RP1: variants seen among roughly 807,000 people sequenced by gnomAD.
RP1 encodes RP1 axonemal microtubule associated, also known as oxygen-regulated protein 1.
A neutral mutation model predicts 14.8 loss-of-function variants in RP1; 16 were observed. That is an observed-to-expected ratio of 1.08 (90% CI 0.73 to 1.65). The LOEUF (loss-of-function observed/expected upper bound fraction) is 1.65. Ranked by LOEUF, RP1 falls within the 40% of genes most tolerant of loss-of-function variation. The probability of loss-of-function intolerance (pLI) is 0.00; values close to 1 mark genes in which losing one functional copy is unlikely to be tolerated. For missense variants in RP1, 2,631 were observed against 2,535.0 expected (o/e 1.04, Z -0.81); for synonymous variants, 876 against 883.6 (o/e 0.99, Z 0.15).
At chr8:54,682,876 A>C (rs1045733453) in intron 12 of RP1, among the ~76,000 whole-genome samples, 12 of 151,476 alleles carry the variant, frequency 7.9e-5, no homozygotes, top group African/African-American at 2.9e-4. Flanking sequence ...TGCTTTCCCC[A>C]CCTGTGTCCT....
chr8:54,594,530 A>T (rs1181421368), intron 1 of RP1, among the ~76,000 whole-genome samples: 1 of 152,248 alleles, frequency 6.6e-6, no homozygotes, highest in African/African-American at 2.4e-5. Flanking sequence ...GACACATCTG[A>T]ATTTGTTTGA....
In RP1 at chr8:54,628,295, A is replaced by G. The variant is rs759856232; in HGVS notation, c.4413A>G (p.Leu1471=). 3.7e-6 allele frequency: 6 copies of G among 1,613,986 alleles called. No homozygotes were observed. In the Admixed American group the frequency reaches 8.3e-5, roughly 22 times the overall value. ...NISELESFEE[L]ENHDTDIFNT... ...CAGAATTGGAATCTTTTGAAGAATT[A>G]GAAAACCATGACACTGATATCTTTA... Residue 1471 remains leucine, a synonymous_variant, in exon 4 of 4, where the codon TTA becomes TTG. Coordinates refer to ENST00000220676, the MANE Select transcript of RP1 (RefSeq NM_006269.2).
At chr8:54,599,527 C>T (rs181969706) in intron 1 of RP1, among the ~76,000 whole-genome samples, 11 of 151,768 alleles carry the variant, frequency 7.2e-5, no homozygotes, top group Non-Finnish European at 1.5e-4. Context: ...GGCACCGTCT[C>T]GGCTCACTGC....
At chr8:54,677,384 G>A (rs1242994320) in intron 8 of RP1, among the ~76,000 whole-genome samples, 1 of 152,096 alleles carries the variant, frequency 6.6e-6, no homozygotes, top group Non-Finnish European at 1.5e-5. Context: ...AGTATGTGAT[G>A]AGGGATGAAG....
chr8:54,750,790 A>C (rs764212964), intron 19 of RP1, among the ~76,000 whole-genome samples: 23 of 152,184 alleles, frequency 1.5e-4, no homozygotes, highest in Admixed American at 2.0e-4. Context: ...TGCACAACTC[A>C]CCAATCAGTA....
chr8:54,853,510 C>G lies in RP1; in HGVS notation c.3990+782C>G, dbSNP rs112975610. On this transcript the variant is annotated intron_variant, in intron 26 of 28. Transcript: ENST00000637698. Reference sequence around the variant, plus strand: ...CAGCCTTGGGGGACAGAACTCATGTCTTATGGCCGTGCACAGATAAACTCC... The same window carrying G: ...CAGCCTTGGGGGACAGAACTCATGTGTTATGGCCGTGCACAGATAAACTCC... Among the ~76,000 whole-genome samples the G allele has an allele frequency of 7.1e-3, 1,082 of 152,284 alleles. 13 individuals are homozygous for G. The highest frequency in any genetic ancestry group is 0.024 in the African/African-American group (1,014 of 41,548).
chr8:54,627,927 G>C lies in RP1; in HGVS notation c.4045G>C (p.Glu1349Gln). 2 of 1,614,104 alleles carry C rather than the reference G, an allele frequency of 1.2e-6. No individual in the cohort carries two copies. Among genetic ancestry groups the C allele is most frequent in the Non-Finnish European group, 1.7e-6 (2 of 1,179,966 alleles). ...TACCATTGACTTTTTAAACTCCAAA[G>C]AAAACACATATACTGATAACTTGGA... ...CNTIDFLNSK[E>Q]NTYTDNLDST... The change falls in exon 4 of 4, where the codon GAA (glutamate) becomes CAA (glutamine). Residue 1349 changes from glutamate to glutamine, a missense_variant. Glu to Gln is a conservative substitution (Grantham distance 29). Coordinates refer to ENST00000220676, the MANE Select transcript of RP1 (RefSeq NM_006269.2).
chr8:54,852,485 A>G, intron 25 of RP1: 1 of 942,572 alleles, frequency 1.1e-6, no homozygotes, highest in Non-Finnish European at 1.4e-6. Context: ...TAGATGAAAG[A>G]ACATTCTGAT....
intron 23 of RP1, among the ~76,000 whole-genome samples, chr8:54,778,543 T>G (rs562462099): frequency 6.6e-6 from 1 of 152,168 alleles, no homozygotes; most frequent in African/African-American, 2.4e-5. Flanking sequence ...CAGGCTGGTC[T>G]CGAACTCCTG....
intron 3 of RP1, among the ~76,000 whole-genome samples, chr8:54,645,369 T>C (rs1450061251): frequency 6.6e-6 from 1 of 152,228 alleles, no homozygotes; most frequent in Non-Finnish European, 1.5e-5. Context: ...AGTTGTTCTA[T>C]GTCCTTACCT....
chr8:54,849,892 C>A (rs986645193), intron 25 of RP1, among the ~76,000 whole-genome samples: 6 of 151,962 alleles, frequency 3.9e-5, no homozygotes, highest in Non-Finnish European at 7.4e-5. Flanking sequence ...TTGAAGATAA[C>A]GACATTGCAA....
chr8:54,619,909 A>G (rs1805814871), intron 1 of RP1, among the ~76,000 whole-genome samples: 2 of 152,210 alleles, frequency 1.3e-5, no homozygotes, highest in Admixed American at 6.5e-5. Flanking sequence ...TTTCCTCCAG[A>G]CAATTTGAAC....
intron 19 of RP1, among the ~76,000 whole-genome samples, chr8:54,747,371 C>T (rs1331670638): frequency 1.3e-5 from 2 of 152,170 alleles, no homozygotes; most frequent in African/African-American, 2.4e-5. Flanking sequence ...CACATTTGCT[C>T]TTGATCACAT....
At chr8:54,751,548 A>G (rs912628138) in intron 19 of RP1, among the ~76,000 whole-genome samples, 6 of 152,254 alleles carry the variant, frequency 3.9e-5, no homozygotes, top group African/African-American at 1.4e-4. Context: ...ATCTTAATGT[A>G]TGCATAGCTC....
At chr8:54,797,357 A>G (rs959703697) in intron 24 of RP1, among the ~76,000 whole-genome samples, 1 of 152,154 alleles carries the variant, frequency 6.6e-6, no homozygotes, top group Non-Finnish European at 1.5e-5. Flanking sequence ...ATAAAGTACA[A>G]TCAGTTTGGC....
At chr8:54,770,049 C>T (rs577439594), downstream of RP1, 913 of 444,478 alleles carry the variant, frequency 2.1e-3, 1 homozygote, top group Non-Finnish European at 2.8e-3. Flanking sequence ...GTTAAACTCA[C>T]GTTTCTTCTT....
chr8:54,632,397 G>C (rs548460818), downstream of RP1, among the ~76,000 whole-genome samples: 25 of 152,208 alleles, frequency 1.6e-4, no homozygotes, highest in Admixed American at 3.3e-4. Flanking sequence ...AATTAGTAAT[G>C]CATGGGACTG....
At chr8:54,837,774 T>C in intron 25 of RP1, 1 of 558,378 alleles carries the variant, frequency 1.8e-6, no homozygotes, top group Non-Finnish European at 2.7e-6. Flanking sequence ...AGACAGTAAA[T>C]ATCTCACACT....
chr8:54,670,905 G>A (rs1227548076), intron 7 of RP1, among the ~76,000 whole-genome samples: 1 of 150,530 alleles, frequency 6.6e-6, no homozygotes, highest in South Asian at 2.1e-4. Context: ...TATTGTTCTT[G>A]GCTTACCGCA....
Sources: gnomAD v4.1 joint callset for allele counts (sites outside exome capture counted in the v4.1 genomes callset) on GRCh38, gnomAD v4.1.1 for gene constraint, MANE v1.5 for transcripts, NCBI Gene and HGNC (gene_info 2026-07-23, HGNC 2026-07-21) for gene names.